The following KCNIP4 variants were observed in gnomAD, a reference collection of about 807,000 sequenced individuals.
The protein encoded by KCNIP4 is Kv channel-interacting protein 4.
In KCNIP4, 12 loss-of-function variants were observed where a neutral mutation model predicts 34.0. The ratio of observed to expected loss-of-function variants is 0.35; its 90% CI spans 0.23 to 0.57. The LOEUF (loss-of-function observed/expected upper bound fraction) is 0.57, where lower values mean the gene tolerates loss of function less well. Among genes scored for constraint, KCNIP4 ranks in the 20% least tolerant of loss-of-function variants. The probability of loss-of-function intolerance (pLI) is 0.83; values close to 1 mark genes in which losing one functional copy is unlikely to be tolerated. For synonymous variants in KCNIP4, 124 were observed against 102.2 expected (o/e 1.21, Z -1.29); for missense variants, 238 against 311.7 (o/e 0.76, Z 1.78).
At chr4:20,754,760 TAAG>T (rs1332664271) in intron 4 of KCNIP4, among the ~76,000 whole-genome samples, 2 of 152,354 alleles carry the variant, frequency 1.3e-5, no homozygotes, top group African/African-American at 4.8e-5. Flanking sequence ...GTGCTCTGTT[TAAG>T]AAGATGTTCT....
intron 1 of KCNIP4, among the ~76,000 whole-genome samples, chr4:21,506,625 A>G (rs956712394): frequency 3.9e-5 from 6 of 152,118 alleles, no homozygotes; most frequent in African/African-American, 1.4e-4. Context: ...TCATTTCTTT[A>G]CCCCCATACT....
chr4:21,332,629 A>G (rs1001220015), intron 1 of KCNIP4, among the ~76,000 whole-genome samples: 40 of 151,958 alleles, frequency 2.6e-4, no homozygotes, highest in African/African-American at 9.7e-4. Flanking sequence ...ACTCTCATCC[A>G]ATCCTTAACA....
intron 1 of KCNIP4, among the ~76,000 whole-genome samples, chr4:21,019,033 A>T (rs1290226193): frequency 6.6e-6 from 1 of 152,186 alleles, no homozygotes; most frequent in Non-Finnish European, 1.5e-5. Context: ...TGAGTTTAAT[A>T]AGTGTCCCCA....
At chr4:21,875,530 C>T (rs1042060884) in intron 1 of KCNIP4, among the ~76,000 whole-genome samples, 1 of 152,056 alleles carries the variant, frequency 6.6e-6, no homozygotes, top group Non-Finnish European at 1.5e-5. Flanking sequence ...CATTTCTATA[C>T]CAGTAGAAGT....
chr4:21,367,669 G>T (rs940698094), intron 1 of KCNIP4, among the ~76,000 whole-genome samples: 3 of 147,684 alleles, frequency 2.0e-5, no homozygotes, highest in African/African-American at 8.1e-5. Flanking sequence ...GAAAAATCCT[G>T]ATGGAAAATC....
At chr4:20,776,665 AT>A (rs2149386383) in intron 3 of KCNIP4, among the ~76,000 whole-genome samples, 1 of 152,314 alleles carries the variant, frequency 6.6e-6, no homozygotes, top group South Asian at 2.1e-4. Flanking sequence ...TTAGGAAATT[AT>A]TTAATTCTAC....
At chr4:21,735,436 A>AT (rs1715919659) in intron 1 of KCNIP4, among the ~76,000 whole-genome samples, 1 of 152,104 alleles carries the variant, frequency 6.6e-6, no homozygotes, top group South Asian at 2.1e-4. Flanking sequence ...GTATCTGTAC[A>AT]TTTTACCTTA....
intron 1 of KCNIP4, among the ~76,000 whole-genome samples, chr4:21,871,298 G>T (rs995640988): frequency 7.3e-5 from 10 of 136,438 alleles, no homozygotes; most frequent in Admixed American, 2.4e-4. Flanking sequence ...CCCGGTGTGT[G>T]ATGTTCCCCA....
At chr4:21,032,188 A>G (rs1741083200) in intron 1 of KCNIP4, among the ~76,000 whole-genome samples, 2 of 152,202 alleles carry the variant, frequency 1.3e-5, no homozygotes, top group Non-Finnish European at 2.9e-5. Flanking sequence ...AAAGAAACAA[A>G]GGATAAAGAA....
chr4:20,738,717 C>T (rs1750302955), intron 5 of KCNIP4, among the ~76,000 whole-genome samples: 2 of 152,188 alleles, frequency 1.3e-5, no homozygotes, highest in African/African-American at 4.8e-5. Flanking sequence ...AACTGAGGTA[C>T]CAGGTTCATC....
chr4:20,797,540 G>A (rs561676528), intron 3 of KCNIP4, among the ~76,000 whole-genome samples: 3 of 152,334 alleles, frequency 2.0e-5, no homozygotes, highest in African/African-American at 7.2e-5. Context: ...ACACTATACA[G>A]TTGATCTTAA....
chr4:20,831,611 T>C (rs1003407722), intron 3 of KCNIP4, among the ~76,000 whole-genome samples: 5 of 152,210 alleles, frequency 3.3e-5, no homozygotes, highest in Non-Finnish European at 7.3e-5. Flanking sequence ...AATCTGGTGA[T>C]TAACTGCATG....
chr4:20,895,812 C>A (rs890468673), intron 1 of KCNIP4, among the ~76,000 whole-genome samples: 45 of 152,272 alleles, frequency 3.0e-4, no homozygotes, highest in African/African-American at 1.1e-3. Context: ...AAAAAATTAG[C>A]CATGCCTGAT....
intron 3 of KCNIP4, among the ~76,000 whole-genome samples, chr4:20,810,389 T>A (rs1715584160): frequency 6.7e-6 from 1 of 150,362 alleles, no homozygotes; most frequent in Non-Finnish European, 1.5e-5. Context: ...TTTTAGTGGG[T>A]TTATTTGTCT....
intron 3 of KCNIP4, among the ~76,000 whole-genome samples, chr4:20,773,983 A>G (rs1036261853): frequency 1.3e-5 from 2 of 152,200 alleles, no homozygotes; most frequent in Admixed American, 1.3e-4. Context: ...TGTTAAGTGT[A>G]TGTGGGCTCT....
intron 1 of KCNIP4, among the ~76,000 whole-genome samples, chr4:21,469,776 G>T (rs1730304440): frequency 6.6e-6 from 1 of 152,012 alleles, no homozygotes; most frequent in African/African-American, 2.4e-5. Flanking sequence ...AGGCACGTCT[G>T]CTCAAAGTGT....
At chr4:21,755,690 T>A (rs1461427832) in intron 1 of KCNIP4, among the ~76,000 whole-genome samples, 1 of 152,160 alleles carries the variant, frequency 6.6e-6, no homozygotes, top group African/African-American at 2.4e-5. Context: ...ACTTAACTGG[T>A]CAAATATCTG....
At chr4:21,458,537 A>G (rs1729163631) in intron 1 of KCNIP4, among the ~76,000 whole-genome samples, 1 of 152,058 alleles carries the variant, frequency 6.6e-6, no homozygotes, top group Admixed American at 6.6e-5. Flanking sequence ...GAAATCAGTG[A>G]GCACTTCACA....
chr4:20,882,202 A>G (rs1423864129), intron 2 of KCNIP4, among the ~76,000 whole-genome samples: 2 of 152,180 alleles, frequency 1.3e-5, no homozygotes, highest in African/African-American at 4.8e-5. Flanking sequence ...ATCTAGTGAT[A>G]TTTCTGAATT....
Sources: allele counts gnomAD v4.1 joint callset (sites outside exome capture counted in the v4.1 genomes callset), GRCh38; gene constraint gnomAD v4.1.1; transcripts MANE v1.5; gene names NCBI Gene and HGNC (gene_info 2026-07-23, HGNC 2026-07-21).